MRC2: variants seen among roughly 807,000 people sequenced by gnomAD.
MRC2 encodes C-type mannose receptor 2.
MRC2 carries 84 observed loss-of-function variants against 206.2 expected under a neutral mutation model. The observed-to-expected ratio is 0.41, with a 90% CI of 0.34 to 0.49. The LOEUF (loss-of-function observed/expected upper bound fraction) is 0.49, where lower values mean the gene tolerates loss of function less well. MRC2 is among the 20% of genes least tolerant of loss of function. MRC2 has a pLI of 0.31. For synonymous variants in MRC2, 798 were observed against 800.0 expected, an observed-to-expected ratio of 1.00 and a Z score of 0.04; for missense variants, 1,676 against 2,001.5, an observed-to-expected ratio of 0.84 and a Z score of 3.10.
chr17:62,682,341 G>T lies in MRC2; in HGVS notation c.2910G>T (p.Gly970=). 1 of 1,607,480 alleles carries T rather than the reference G, an allele frequency of 6.2e-7. No individual in the cohort carries two copies. Among genetic ancestry groups the T allele is most frequent in the South Asian group, 1.1e-5 (1 of 89,744 alleles). ...CAGACCTGCCAACTACAGCCCTGGG[G>T]GGCTGCCCCTCTGACTGGATCCAGT... The part of the protein sequence containing the change: ...QPPDLPTTAL[G]GCPSDWIQFL... The change falls in exon 20 of 30, where the codon GGG becomes GGT. Residue 970 remains glycine, a synonymous_variant. Coordinates refer to ENST00000303375, the MANE Select transcript of MRC2 (RefSeq NM_006039.5).
chr17:62,635,158 G>T (rs1191217206), intron 1 of MRC2, among the ~76,000 whole-genome samples: 5 of 147,916 alleles, frequency 3.4e-5, no homozygotes, highest in Admixed American at 2.0e-4. Context: ...AATTGAAGCA[G>T]GTCTGAACCT....
chr17:62,642,479 C>T lies in MRC2; in HGVS notation c.118+14559C>T, dbSNP rs189360001. Among the ~76,000 whole-genome samples the T allele has an allele frequency of 1.2e-4, 18 of 152,326 alleles. No homozygotes were observed. The East Asian group carries it at 3.5e-3, about 29-fold the overall frequency. On this transcript the variant is annotated intron_variant, in intron 1 of 29. Coordinates refer to ENST00000303375, the MANE Select transcript of MRC2 (RefSeq NM_006039.5). ...TTTCCCTTTTTCTGAGATGAAGTCT[C>T]ACTGTCACCCAGGCTGGAGTGCAGC...
chr17:62,661,046 T>C (rs2088673327), intron 1 of MRC2, among the ~76,000 whole-genome samples: 1 of 152,134 alleles, frequency 6.6e-6, no homozygotes. Context: ...TTACCCTTTT[T>C]TGTTGTTTGA....
rs970236694 is a variant in MRC2 at position 62,675,119 on chromosome 17, G to A, written c.1570-671G>A. Among the ~76,000 whole-genome samples the A allele has an allele frequency of 2.0e-5, 3 of 152,196 alleles. No homozygotes were observed. The highest frequency in any genetic ancestry group is 6.5e-5 in the Admixed American group (1 of 15,288). On this transcript the variant is annotated intron_variant, in intron 9 of 29. Transcript: ENST00000303375. This position sits in a 1 kb window ranked among gnomAD's most constrained non-coding sequence, Gnocchi z 4.1. ...GCGAAGAGGTGAAGGGAGGAGTAGA[G>A]AGGAATTACCAACTTCTCTGGCACC... is the stretch of plus-strand genomic sequence containing the variant.
intron 1 of MRC2, among the ~76,000 whole-genome samples, chr17:62,645,512 TATATATATATA>T (rs1350014187): frequency 4.5e-5 from 3 of 67,178 alleles, no homozygotes; most frequent in Admixed American, 1.8e-4. Flanking sequence ...TATATATATA[TATATATATATA>T]TATATTTTTT....
At position 62,680,901 on chromosome 17, in the gene MRC2, G is replaced by C. The variant is rs760601205; in HGVS notation, c.2575G>C (p.Glu859Gln). ...GCGCATCTGCACGTGGTTCCAGGCCGAGCTGACCTCGGTGCACAGCCAGGC... is the reference window on the plus strand; with the variant it reads ...GCGCATCTGCACGTGGTTCCAGGCCCAGCTGACCTCGGTGCACAGCCAGGC... ...AQRICTWFQA[E>Q]LTSVHSQAEL... The change falls in exon 17 of 30, where the codon GAG becomes CAG. Residue 859 changes from glutamate to glutamine, a missense_variant. Glu to Gln is a conservative substitution (Grantham distance 29). Transcript: ENST00000303375. This position sits in a 1 kb window ranked among gnomAD's most constrained non-coding sequence, Gnocchi z 4.8. 1.2e-6 allele frequency: 2 copies of C among 1,613,098 alleles called. No individual in the cohort carries two copies. Among genetic ancestry groups the C allele is most frequent in the Non-Finnish European group, 8.5e-7 (1 of 1,179,948 alleles).
Position 62,675,865 on chromosome 17 carries a change from T to A in MRC2, c.1645T>A (p.Cys549Ser). 6.2e-7 allele frequency: 1 copy of A among 1,614,130 alleles called. No individual in the cohort carries two copies. Among genetic ancestry groups the A allele is most frequent in the Non-Finnish European group, 8.5e-7 (1 of 1,179,994 alleles). Residue 549 changes from cysteine (C) to serine (S), a missense_variant, in exon 10 of 30, where the codon TGC becomes AGC. Physicochemically the swap from Cys to Ser is moderately radical, Grantham distance 112. Transcript: ENST00000303375. This position sits in a 1 kb window ranked among gnomAD's most constrained non-coding sequence, Gnocchi z 4.1. ...QVTYSEARRL[C>S]TDHGSQLVTI... Reference sequence around the variant, plus strand: ...GACCTACAGTGAGGCCCGGCGCCTGTGCACTGACCATGGCTCTCAGCTGGT... The same window carrying A: ...GACCTACAGTGAGGCCCGGCGCCTGAGCACTGACCATGGCTCTCAGCTGGT...
chr17:62,677,395 C>T lies in MRC2; in HGVS notation c.1961C>T (p.Pro654Leu), dbSNP rs775771345. 5.0e-6 allele frequency: 8 copies of T among 1,610,820 alleles called. No individual in the cohort carries two copies. Among genetic ancestry groups the T allele is most frequent in the East Asian group, 4.5e-5 (2 of 44,802 alleles). The stretch of plus-strand genomic sequence containing the variant: ...CAGAGCCTGGGCACTCCAGTGACGC[C>T]GGAGCTGCCGGGGCCAGATCCCACG... The part of the protein sequence containing the change: ...CRQSLGTPVT[P>L]ELPGPDPTPS... The change falls in exon 12 of 30, where the codon CCG (proline) becomes CTG (leucine). Residue 654 changes from proline to leucine, a missense_variant. Physicochemically the swap from Pro to Leu is moderately conservative, Grantham distance 98 (BLOSUM62 -3). Transcript: ENST00000303375.
chr17:62,672,211 C>T lies in MRC2; in HGVS notation c.1461+59C>T. ...AAATACACCCCCAACCTCCAGGTGC[C>T]ACCCCAGCTGAAGGACATCCTAGTT... On this transcript the variant is annotated intron_variant, in intron 8 of 29. Coordinates refer to ENST00000303375, the MANE Select transcript of MRC2 (RefSeq NM_006039.5). This position sits in a 1 kb window ranked among gnomAD's most constrained non-coding sequence, Gnocchi z 4.5. 1 of 1,597,932 alleles carries T rather than the reference C, an allele frequency of 6.3e-7. No homozygotes were observed. Among genetic ancestry groups the T allele is most frequent in the Admixed American group, 1.7e-5 (1 of 59,890 alleles).
chr17:62,689,321 C>T (rs997877598), intron 23 of MRC2: 10 of 581,768 alleles, frequency 1.7e-5, no homozygotes, highest in African/African-American at 1.5e-4. Context: ...GGTCAAGGCC[C>T]TCACCTCCCT....
chr17:62,686,132 G>C lies in MRC2; in HGVS notation c.2947-2157G>C, dbSNP rs555223944. Reference sequence around the variant, plus strand: ...AGCACGCAACCTAGATCCCTTGCATGTGCAATTCACGGTAGGGTTCGCACT... The same window carrying C: ...AGCACGCAACCTAGATCCCTTGCATCTGCAATTCACGGTAGGGTTCGCACT... On this transcript the variant is annotated intron_variant, in intron 20 of 29. Transcript: ENST00000303375. Among the ~76,000 whole-genome samples, 115 of 152,252 alleles carry C rather than the reference G, an allele frequency of 7.6e-4. 1 individual carries two copies. The South Asian group carries it at 0.024, about 31-fold the overall frequency.
In MRC2 at chr17:62,671,806, G is replaced by T. The variant is rs757913060; in HGVS notation, c.1275G>T (p.Glu425Asp). 1 of 1,606,370 alleles carries T rather than the reference G, an allele frequency of 6.2e-7. No homozygotes were observed. The highest frequency in any genetic ancestry group is 1.7e-5 in the Admixed American group (1 of 59,564). The change falls in exon 7 of 30, where the codon GAG becomes GAT. Residue 425 changes from glutamate to aspartate, a missense_variant. Glu to Asp is a conservative substitution (Grantham distance 45). Transcript: ENST00000303375. The surrounding 1 kb of genome is among the most constrained non-coding windows in gnomAD (Gnocchi z 4.5). ...GDLVSIHSMA[E>D]LEFITKQIKQ... ...TGGTCAGCATCCACAGCATGGCGGA[G>T]CTGGAATTCATCACCAAGCAGATCA...
In MRC2 at chr17:62,667,296, G is replaced by C. The variant is rs916288677; in HGVS notation, c.974-94G>C. On this transcript the variant is annotated intron_variant, in intron 5 of 29. Coordinates refer to ENST00000303375, the MANE Select transcript of MRC2 (RefSeq NM_006039.5). The surrounding 1 kb of genome is among the most constrained non-coding windows in gnomAD (Gnocchi z 4.1). ...CCCGAACTGGCTCAGGCTTCCGAGGGAGCAGAGGGAGGTAGGAGGTTCTGA... is the reference window on the plus strand; with the variant it reads ...CCCGAACTGGCTCAGGCTTCCGAGGCAGCAGAGGGAGGTAGGAGGTTCTGA... 2.1e-6 allele frequency: 3 copies of C among 1,462,990 alleles called. No homozygotes were observed. The highest frequency in any genetic ancestry group is 2.7e-6 in the Non-Finnish European group (3 of 1,098,572). The allele number at this position is 1,462,990 out of a possible 1,614,324, so 90.6% of individuals were successfully genotyped here. A position where few individuals can be genotyped will look rare whatever the true frequency, so the allele number is the denominator to read the frequency against.
chr17:62,658,668 G>A (rs1001610325), intron 1 of MRC2, among the ~76,000 whole-genome samples: 4 of 152,208 alleles, frequency 2.6e-5, no homozygotes, highest in African/African-American at 7.2e-5. Context: ...GGAAGATAAC[G>A]TCCTCTTGGG....
chr17:62,640,926 T>C (rs2088394578), intron 1 of MRC2, among the ~76,000 whole-genome samples: 1 of 151,792 alleles, frequency 6.6e-6, no homozygotes, highest in South Asian at 2.1e-4. Context: ...ATGGTCTCGA[T>C]CTCCTGACCT....
At chr17:62,689,395 C>A in intron 23 of MRC2, 127 bp from the exon 24 acceptor site, 1 of 644,230 alleles carries the variant, frequency 1.6e-6, no homozygotes, top group South Asian at 2.0e-5. Context: ...AAGCCTTGGT[C>A]TGGGCCAAGC....
chr17:62,680,949 A>C lies in MRC2; in HGVS notation c.2623A>C (p.Asn875His). The C allele has an allele frequency of 1.9e-6, 3 of 1,612,962 alleles. No homozygotes were observed. The highest frequency in any genetic ancestry group is 1.7e-5 in the Admixed American group (1 of 60,012). The change falls in exon 17 of 30, where the codon AAC (asparagine) becomes CAC (histidine). Residue 875 changes from asparagine to histidine, a missense_variant. Asn to His is a moderately conservative substitution (Grantham distance 68). Transcript: ENST00000303375. The surrounding 1 kb of genome is among the most constrained non-coding windows in gnomAD (Gnocchi z 4.8). ...GGCGGAGCTAGACTTCCTGAGCCAC[A>C]ACTTGCAGAAGGTGGGCATTGGATT... is the stretch of plus-strand genomic sequence containing the variant. ...SQAELDFLSH[N>H]LQKFSRAQEQ...
chr17:62,665,027 T>C, intron 2 of MRC2, 78 bp downstream of exon 2: 1 of 1,470,630 alleles, frequency 6.8e-7, no homozygotes. Flanking sequence ...AGATTCCCAG[T>C]GACAAGGCCT....
chr17:62,653,070 C>A (rs1394628000), intron 1 of MRC2, among the ~76,000 whole-genome samples: 2 of 152,072 alleles, frequency 1.3e-5, no homozygotes, highest in South Asian at 4.1e-4. Flanking sequence ...GGCCTGGTGA[C>A]CCCCGGTGAG....
Sources: gnomAD v4.1 joint callset for allele counts (sites outside exome capture counted in the v4.1 genomes callset) on GRCh38, gnomAD v4.1.1 for gene constraint, Gnocchi (gnomAD v3.1) non-coding constraint, MANE v1.5 for transcripts, NCBI Gene and HGNC (gene_info 2026-07-23, HGNC 2026-07-21) for gene names.